PIK3C2A: variants seen among roughly 807,000 people sequenced by gnomAD.
PIK3C2A encodes phosphatidylinositol 4-phosphate 3-kinase C2 domain-containing subunit alpha.
Under a neutral mutation model 204.5 loss-of-function variants are expected in PIK3C2A, and 97 were observed. The observed-to-expected ratio is 0.47, with a 90% confidence interval of 0.40 to 0.56. The LOEUF (loss-of-function observed/expected upper bound fraction) is 0.56. Ranked by LOEUF, PIK3C2A falls within the 20% of genes least tolerant of loss-of-function variation. The pLI, the probability that PIK3C2A is intolerant of heterozygous loss-of-function variation, is 0.00. For synonymous variants in PIK3C2A, 653 were observed against 664.4 expected (o/e 0.98, Z 0.26); for missense variants, 1,735 against 1,969.2 (o/e 0.88, Z 2.25).
At chr11:17,105,735 T>C (rs1046042392) in intron 22 of PIK3C2A, among the ~76,000 whole-genome samples, 4 of 152,224 alleles carry the variant, frequency 2.6e-5, no homozygotes, top group Admixed American at 6.5e-5. Context: ...CTCATTCTTT[T>C]TATGGCTGCA....
rs1384070558 is a variant in PIK3C2A at position 17,122,964 on chromosome 11, T to A, written c.2400-151A>T. ...ATATCAGAAGGATTCACTCTCCACA[T>A]TGTACTGAAACTTTTCAGGTGTAGG... On this transcript the variant is annotated intron_variant, in intron 13 of 32. Coordinates refer to ENST00000691414, the MANE Select transcript of PIK3C2A (RefSeq NM_002645.4). 3 of 549,402 alleles carry A rather than the reference T, an allele frequency of 5.5e-6. No individual in the cohort carries two copies. The South Asian group carries it at 7.5e-5, about 14-fold the overall frequency. The allele number at this position is 549,402 out of a possible 1,614,324, so 34.0% of individuals were successfully genotyped here. A position where few individuals can be genotyped will look rare whatever the true frequency, so the allele number is the denominator to read the frequency against.
intron 1 of PIK3C2A, among the ~76,000 whole-genome samples, chr11:17,174,235 A>C (rs1851266564): frequency 6.6e-6 from 1 of 152,200 alleles, no homozygotes; most frequent in Non-Finnish European, 1.5e-5. Flanking sequence ...ATCAAGTGTA[A>C]TCACCTATTG....
chr11:17,204,547 C>A (rs1852499338), intron 1 of PIK3C2A, among the ~76,000 whole-genome samples: 1 of 152,090 alleles, frequency 6.6e-6, no homozygotes, highest in African/African-American at 2.4e-5. Context: ...CTCCTCAAAC[C>A]CCCTCATTCC....
chr11:17,196,162 A>G (rs1314540014), intron 1 of PIK3C2A, among the ~76,000 whole-genome samples: 1 of 152,204 alleles, frequency 6.6e-6, no homozygotes, highest in Non-Finnish European at 1.5e-5. Flanking sequence ...CAAAAATCAG[A>G]AATCTCTCCA....
At chr11:17,187,851 G>GT (rs1851806307) in intron 1 of PIK3C2A, among the ~76,000 whole-genome samples, 1 of 151,956 alleles carries the variant, frequency 6.6e-6, no homozygotes, top group Non-Finnish European at 1.5e-5. Context: ...AGATGGAGGG[G>GT]TTTGACTTGG....
At chr11:17,149,625 A>G (rs560509492) in intron 4 of PIK3C2A, among the ~76,000 whole-genome samples, 1 of 152,182 alleles carries the variant, frequency 6.6e-6, no homozygotes, top group Admixed American at 6.5e-5. Context: ...TATTTTTGAG[A>G]TGGGGTCTAA....
Position 17,092,214 on chromosome 11 carries a change from A to G in PIK3C2A, c.4514T>C (p.Ile1505Thr). 6.2e-7 allele frequency: 1 copy of G among 1,609,484 alleles called. No homozygotes were observed. Among genetic ancestry groups the G allele is most frequent in the Non-Finnish European group, 8.5e-7 (1 of 1,175,800 alleles). ...HIKDVAAKRK[I>T]ELNSYLQSLM... ...ACTCTGTAAGTAACTGTTTAACTCA[A>G]TTTTCCTTTTGGCTGCTACATCTTT... The change falls in exon 29 of 33, where the codon ATT (isoleucine) becomes ACT (threonine). Residue 1505 changes from isoleucine to threonine, a missense_variant. Ile to Thr is a moderately conservative substitution (Grantham distance 89). Transcript: ENST00000691414.
intron 2 of PIK3C2A, among the ~76,000 whole-genome samples, chr11:17,161,890 T>C (rs763947183): frequency 4.6e-5 from 7 of 152,218 alleles, no homozygotes; most frequent in Non-Finnish European, 8.8e-5. Context: ...TCCGTGCCAA[T>C]GAATTGTGCC....
rs139626165 is a variant in PIK3C2A, at chr11:17,135,107, A to G, written c.1897+4T>C. ...TGCTAAAATTTAAAGATTTAAACAC[A>G]TACCCCTAGTTGAACTCCTGCTAGT... On this transcript the variant is annotated splice_donor_region_variant and intron_variant, in intron 10 of 32. Transcript: ENST00000691414. The G allele has an allele frequency of 3.1e-6, 5 of 1,613,906 alleles. No homozygotes were observed. The highest frequency in any genetic ancestry group is 4.2e-6 in the Non-Finnish European group (5 of 1,179,816).
At chr11:17,162,319 C>A (rs61879718) in intron 2 of PIK3C2A, among the ~76,000 whole-genome samples, 1 of 147,930 alleles carries the variant, frequency 6.8e-6, no homozygotes, top group Non-Finnish European at 1.5e-5. Flanking sequence ...CCAGCCTGGG[C>A]GACAGAGTGA....
intron 28 of PIK3C2A, 130 bp from the exon 29 acceptor site, chr11:17,092,406 AC>A (rs937136135): frequency 3.2e-6 from 2 of 621,586 alleles, no homozygotes; most frequent in African/African-American, 3.7e-5. Context: ...GTGGCCGGGC[AC>A]GGTGGCTCAT....
chr11:17,129,629 T>C (rs1849634318), intron 12 of PIK3C2A, among the ~76,000 whole-genome samples, 162 bp from the exon 13 acceptor site: 1 of 152,272 alleles, frequency 6.6e-6, no homozygotes, highest in African/African-American at 2.4e-5. Flanking sequence ...TTTTGCTCTG[T>C]TGCCTAGGCT....
intron 1 of PIK3C2A, among the ~76,000 whole-genome samples, chr11:17,198,366 T>TA (rs1237771038): frequency 2.0e-5 from 2 of 99,274 alleles, no homozygotes; most frequent in African/African-American, 7.8e-5. Context: ...CACCTCAGCC[T>TA]CCCAAAGTGC....
intron 32 of PIK3C2A, 39 bp downstream of exon 32, chr11:17,091,295 A>T: frequency 6.4e-7 from 1 of 1,567,844 alleles, no homozygotes; most frequent in Non-Finnish European, 8.7e-7. Context: ...TTAAAAAAAT[A>T]ATAAACCAAG....
chr11:17,133,936 A>T (rs182246778), intron 11 of PIK3C2A, among the ~76,000 whole-genome samples: 198 of 152,218 alleles, frequency 1.3e-3, no homozygotes, highest in East Asian at 0.011. Flanking sequence ...TCAAAAAAAA[A>T]AATAATAATA....
At chr11:17,129,505 T>C (rs541004085) in intron 12 of PIK3C2A, 38 bp from the exon 13 acceptor site, 11 of 1,298,970 alleles carry the variant, frequency 8.5e-6, no homozygotes, top group African/African-American at 7.4e-5. Flanking sequence ...ACAAATTAGA[T>C]TGAATGATTT....
chr11:17,193,516 C>A, intron 1 of PIK3C2A: 1 of 450,028 alleles, frequency 2.2e-6, no homozygotes, highest in Non-Finnish European at 4.5e-6. Context: ...CCACACCACA[C>A]ACAACATTCC....
In PIK3C2A at chr11:17,091,999, C is replaced by T. The variant is rs1265335350; in HGVS notation, c.4639G>A (p.Ala1547Thr). ...AAGAGAAAAAAAATAATCTCACCTGCAGACCTAGCTATCCCTTCAGCTTTC... is the reference window on the plus strand; with the variant it reads ...AAGAGAAAAAAAATAATCTCACCTGTAGACCTAGCTATCCCTTCAGCTTTC... ...DEKAEGIARS[A>T]DAGSFSPTPG... The change falls in exon 30 of 33, where the codon GCA becomes ACA. Residue 1547 changes from alanine (A) to threonine (T), a missense_variant. Physicochemically the swap from Ala to Thr is moderately conservative, Grantham distance 58 (BLOSUM62 0). This residue lies in a region of PIK3C2A where 503 missense variants were observed against 669.0 expected (regional missense o/e 0.75). Transcript: ENST00000691414. 1.9e-6 allele frequency: 3 copies of T among 1,597,636 alleles called. No individual in the cohort carries two copies. The highest frequency in any genetic ancestry group is 2.6e-6 in the Non-Finnish European group (3 of 1,165,404).
intron 1 of PIK3C2A, among the ~76,000 whole-genome samples, chr11:17,187,934 G>A (rs1851810581): frequency 6.6e-6 from 1 of 152,074 alleles, no homozygotes; most frequent in South Asian, 2.1e-4. Context: ...AAAAATGAGG[G>A]ACAGCTGGGA....
Sources: allele counts gnomAD v4.1 joint callset (sites outside exome capture counted in the v4.1 genomes callset), GRCh38; gene constraint gnomAD v4.1.1; regional missense constraint gnomAD v4.1.1; transcripts MANE v1.5; gene names NCBI Gene and HGNC (gene_info 2026-07-23, HGNC 2026-07-21).